AMPH: variants seen among roughly 807,000 people sequenced by gnomAD.
The protein encoded by AMPH is amphiphysin.
A neutral mutation model predicts 99.1 loss-of-function variants in AMPH; 49 were observed. The ratio of observed to expected loss-of-function variants is 0.49; its 90% CI spans 0.39 to 0.63. The LOEUF (loss-of-function observed/expected upper bound fraction) is 0.63, where lower values mean the gene tolerates loss of function less well. Ranked by LOEUF, AMPH falls within the 20% of genes least tolerant of loss-of-function variation. The pLI, the probability that AMPH is intolerant of heterozygous loss-of-function variation, is 0.00. For missense variants in AMPH, 759 were observed against 863.4 expected, an observed-to-expected ratio of 0.88 and a Z score of 1.52; for synonymous variants, 314 against 317.3, an observed-to-expected ratio of 0.99 and a Z score of 0.11.
At chr7:38,589,498 T>C (rs1792776982) in intron 1 of AMPH, among the ~76,000 whole-genome samples, 3 of 152,230 alleles carry the variant, frequency 2.0e-5, no homozygotes, top group Non-Finnish European at 4.4e-5. Flanking sequence ...TTTAATGGCT[T>C]GGCTTCCAGA....
chr7:38,396,145 T>C (rs1784662522), intron 17 of AMPH, among the ~76,000 whole-genome samples: 1 of 152,212 alleles, frequency 6.6e-6, no homozygotes, highest in African/African-American at 2.4e-5. Flanking sequence ...TGCCCTGTCA[T>C]GAAAGTACAT....
intron 3 of AMPH, among the ~76,000 whole-genome samples, chr7:38,503,015 A>G (rs528953636): frequency 6.6e-5 from 10 of 150,560 alleles, no homozygotes; most frequent in African/African-American, 2.4e-4. Flanking sequence ...GACTCAGGGC[A>G]GGCAGCGTGA....
intron 5 of AMPH, among the ~76,000 whole-genome samples, chr7:38,487,672 T>C (rs926771583): frequency 5.3e-5 from 8 of 152,212 alleles, no homozygotes; most frequent in African/African-American, 1.9e-4. Context: ...AATTGACGAA[T>C]GGGGTCTAAT....
chr7:38,463,100 G>C lies in AMPH; in HGVS notation c.763C>G (p.Leu255Val). The change falls in exon 10 of 21, where the codon CTC becomes GTC. Residue 255 changes from leucine to valine, a missense_variant. This residue lies in a region of AMPH where 554 missense variants were observed against 575.6 expected (regional missense o/e 0.96). Coordinates refer to ENST00000356264, the MANE Select transcript of AMPH (RefSeq NM_001635.4). ...GGTGATGGTGTCTTTGCAATGCGGA[G>C]AGGACCCGAATCACTAGAGGAACAC... is the stretch of plus-strand genomic sequence containing the variant. ...IQGAPSDSGP[L>V]RIAKTPSPPE... The C allele has an allele frequency of 6.2e-7, 1 of 1,613,638 alleles. No individual in the cohort carries two copies. Among genetic ancestry groups the C allele is most frequent in the Non-Finnish European group, 8.5e-7 (1 of 1,179,706 alleles).
At chr7:38,629,121 A>G (rs546548640) in intron 1 of AMPH, among the ~76,000 whole-genome samples, 8 of 152,138 alleles carry the variant, frequency 5.3e-5, no homozygotes, top group Admixed American at 2.0e-4. Flanking sequence ...AGAGGGAATC[A>G]CGTGGGGATA....
chr7:38,433,846 TATCAGTCCTCAGGATC>T (rs1786149758), intron 12 of AMPH, among the ~76,000 whole-genome samples: 1 of 152,204 alleles, frequency 6.6e-6, no homozygotes, highest in South Asian at 2.1e-4. Flanking sequence ...ATGTCATGTT[TATCAGTCCTCAGGATC>T]ATGAAAGGAT....
chr7:38,558,417 C>G (rs2392583), intron 1 of AMPH, among the ~76,000 whole-genome samples: 125,474 of 152,202 alleles, frequency 0.82, 52,087 homozygotes, highest in East Asian at 0.96. Context: ...CTGCAATTAG[C>G]GGTCTGGTTT....
intron 20 of AMPH, among the ~76,000 whole-genome samples, chr7:38,386,959 G>T (rs1030224925): frequency 6.6e-6 from 1 of 152,160 alleles, no homozygotes; most frequent in African/African-American, 2.4e-5. Flanking sequence ...TACACTCAGG[G>T]GGGTTATCTT....
At chr7:38,406,731 C>CTCTCTCTCTCTCTCTCTCT (rs1562732477) in intron 17 of AMPH, among the ~76,000 whole-genome samples, 12 of 80,580 alleles carry the variant, frequency 1.5e-4, no homozygotes, top group East Asian at 8.3e-4. Context: ...TCTCCCTTTC[C>CTCTCTCTCTCTCTCTCTCT]CTCTCTCTCT....
chr7:38,396,561 A>AACAG (rs1489755219), intron 17 of AMPH, among the ~76,000 whole-genome samples: 1 of 152,256 alleles, frequency 6.6e-6, no homozygotes, highest in Non-Finnish European at 1.5e-5. Flanking sequence ...CATGAATTGT[A>AACAG]ACAGACACTT....
intron 14 of AMPH, chr7:38,429,627 A>T: frequency 3.5e-6 from 5 of 1,432,278 alleles, no homozygotes; most frequent in Non-Finnish European, 4.6e-6. Flanking sequence ...ACAAAAGATG[A>T]AACAGAACAT....
chr7:38,577,911 T>C (rs6948609), intron 1 of AMPH, among the ~76,000 whole-genome samples: 9,653 of 152,248 alleles, frequency 0.063, 352 homozygotes, highest in East Asian at 0.12. Context: ...GTGAAGCCTC[T>C]TGGAAGTCAT....
chr7:38,462,385 T>C (rs1787482218), intron 10 of AMPH, among the ~76,000 whole-genome samples: 1 of 152,228 alleles, frequency 6.6e-6, no homozygotes, highest in Non-Finnish European at 1.5e-5. Flanking sequence ...CTGGGGACTA[T>C]AAATTTTTCT....
intron 5 of AMPH, among the ~76,000 whole-genome samples, chr7:38,481,618 A>C (rs1358365517): frequency 6.6e-6 from 1 of 152,148 alleles, no homozygotes; most frequent in Non-Finnish European, 1.5e-5. Context: ...ATGCTGCATA[A>C]CAGAAACCAT....
intron 1 of AMPH, among the ~76,000 whole-genome samples, chr7:38,610,249 A>AG (rs1562859876): frequency 8.8e-5 from 2 of 22,766 alleles, no homozygotes; most frequent in African/African-American, 3.3e-4. Context: ...AAAAAAAAAA[A>AG]AAAAAAAAAA....
intron 1 of AMPH, among the ~76,000 whole-genome samples, chr7:38,547,076 C>T (rs890807741): frequency 1.9e-4 from 29 of 152,292 alleles, no homozygotes; most frequent in African/African-American, 6.7e-4. Context: ...CCACCACCAG[C>T]AGCCATCTCA....
intron 2 of AMPH, among the ~76,000 whole-genome samples, chr7:38,532,849 T>C (rs558503934): frequency 6.6e-6 from 1 of 152,130 alleles, no homozygotes; most frequent in South Asian, 2.1e-4. Flanking sequence ...TCTAGGGTGC[T>C]AACAACATTA....
At chr7:38,464,252 T>C (rs1170006079) in intron 9 of AMPH, among the ~76,000 whole-genome samples, 1 of 152,252 alleles carries the variant, frequency 6.6e-6, no homozygotes, top group African/African-American at 2.4e-5. Context: ...AATTTTTTCA[T>C]GCACTTCATT....
chr7:38,517,622 G>A (rs144106411), intron 2 of AMPH, among the ~76,000 whole-genome samples: 85 of 152,252 alleles, frequency 5.6e-4, no homozygotes, highest in African/African-American at 1.8e-3. Flanking sequence ...GATATCTGGT[G>A]GAAGAAATAT....
Sources: gnomAD v4.1 joint callset for allele counts (sites outside exome capture counted in the v4.1 genomes callset) on GRCh38, gnomAD v4.1.1 for gene constraint, gnomAD v4.1.1 regional missense constraint, MANE v1.5 for transcripts, NCBI Gene and HGNC (gene_info 2026-07-23, HGNC 2026-07-21) for gene names.